The following GABRB1 variants were observed in gnomAD, a reference collection of about 807,000 sequenced individuals.
GABRB1 encodes the protein gamma-aminobutyric acid type A receptor subunit beta1, also known as gamma-aminobutyric acid receptor subunit beta-1.
In GABRB1, 17 loss-of-function variants were observed where a neutral mutation model predicts 51.6. The observed-to-expected ratio is 0.33, with a 90% CI of 0.23 to 0.49. GABRB1 has a LOEUF of 0.49. GABRB1 is among the 20% of genes least tolerant of loss of function. The pLI, the probability that GABRB1 is intolerant of heterozygous loss-of-function variation, is 0.99. For synonymous variants in GABRB1, 247 were observed against 218.9 expected (o/e 1.13, Z -1.14); for missense variants, 410 against 600.6 (o/e 0.68, Z 3.32).
At chr4:47,272,190 T>G (rs769614034) in intron 4 of GABRB1, among the ~76,000 whole-genome samples, 4 of 152,150 alleles carry the variant, frequency 2.6e-5, no homozygotes, top group Non-Finnish European at 4.4e-5. Context: ...AACTAGTAGA[T>G]TTTAATAAAA....
At chr4:47,025,462 C>T (rs943655064) in intron 1 of GABRB1, among the ~76,000 whole-genome samples, 4 of 151,620 alleles carry the variant, frequency 2.6e-5, no homozygotes, top group East Asian at 1.9e-4. Flanking sequence ...ATTGTGATTT[C>T]GATTTGCATT....
At chr4:47,204,347 C>T (rs76498700) in intron 4 of GABRB1, among the ~76,000 whole-genome samples, 70 of 152,252 alleles carry the variant, frequency 4.6e-4, no homozygotes, top group African/African-American at 1.6e-3. Context: ...AATGTTTTAA[C>T]ATATGCAGGG....
chr4:47,026,529 T>C (rs764171458), intron 1 of GABRB1, among the ~76,000 whole-genome samples: 1 of 152,090 alleles, frequency 6.6e-6, no homozygotes, highest in Non-Finnish European at 1.5e-5. Context: ...TTTTAAATGA[T>C]GCTCTACAAA....
At chr4:47,304,976 A>G (rs564334189) in intron 4 of GABRB1, among the ~76,000 whole-genome samples, 1 of 152,216 alleles carries the variant, frequency 6.6e-6, no homozygotes, top group East Asian at 1.9e-4. Context: ...ACTCAGACAT[A>G]GATTAATCAC....
At chr4:47,054,366 C>T (rs1043161767) in intron 3 of GABRB1, among the ~76,000 whole-genome samples, 6 of 152,142 alleles carry the variant, frequency 3.9e-5, no homozygotes, top group African/African-American at 4.8e-5. Flanking sequence ...GTGCTTGCCA[C>T]GTGATCTTCT....
At chr4:47,123,292 T>A (rs555286197) in intron 3 of GABRB1, among the ~76,000 whole-genome samples, 2 of 139,852 alleles carry the variant, frequency 1.4e-5, no homozygotes, top group Admixed American at 1.6e-4. Context: ...TATATATGAT[T>A]ATATATAATA....
chr4:47,285,191 TG>T (rs1011797700), intron 4 of GABRB1, among the ~76,000 whole-genome samples: 143 of 152,330 alleles, frequency 9.4e-4, no homozygotes, highest in African/African-American at 3.2e-3. Flanking sequence ...TGTAGCTGAC[TG>T]GTGTGTTGTG....
At chr4:47,285,480 G>A (rs980468760) in intron 4 of GABRB1, among the ~76,000 whole-genome samples, 2 of 151,992 alleles carry the variant, frequency 1.3e-5, no homozygotes, top group African/African-American at 2.4e-5. Flanking sequence ...TATAGTATCC[G>A]GTAAATTCTA....
chr4:47,115,522 T>G lies in GABRB1; in HGVS notation c.241-45727T>G, dbSNP rs1305765016. On this transcript the variant is annotated intron_variant, in intron 3 of 8. Coordinates refer to ENST00000295454, the MANE Select transcript of GABRB1 (RefSeq NM_000812.4). ...TTTTTTAAATATAAAATCATAAAAATTACTGTTGTTTAATGATATATTCAA... is the reference window on the plus strand; with the variant it reads ...TTTTTTAAATATAAAATCATAAAAAGTACTGTTGTTTAATGATATATTCAA... Among the ~76,000 whole-genome samples the G allele has an allele frequency of 2.0e-5, 3 of 152,084 alleles. No individual in the cohort carries two copies. In the East Asian group the frequency reaches 5.8e-4, roughly 29 times the overall value.
At chr4:47,380,240 A>C (rs921482627) in intron 5 of GABRB1, among the ~76,000 whole-genome samples, 4 of 152,248 alleles carry the variant, frequency 2.6e-5, no homozygotes, top group African/African-American at 9.6e-5. Context: ...AAGTATCAAC[A>C]AACAGTTGCC....
intron 5 of GABRB1, among the ~76,000 whole-genome samples, chr4:47,369,299 C>A (rs1727104118): frequency 6.6e-6 from 1 of 152,078 alleles, no homozygotes; most frequent in African/African-American, 2.4e-5. Flanking sequence ...TGATCTTGAG[C>A]AAATCACAGT....
At chr4:47,019,606 CTTCT>C (rs1253036296) in intron 1 of GABRB1, among the ~76,000 whole-genome samples, 3 of 110,650 alleles carry the variant, frequency 2.7e-5, no homozygotes, top group African/African-American at 1.1e-4. Context: ...CCCTTCCTCC[CTTCT>C]TTCTTTCTTT....
chr4:47,032,066 T>TAA, intron 2 of GABRB1, 61 bp downstream of exon 2: 1 of 871,616 alleles, frequency 1.1e-6, no homozygotes, highest in Non-Finnish European at 1.6e-6. Flanking sequence ...CTGTCAAAGA[T>TAA]AAATGTCAAA....
chr4:46,994,522 G>C, intron 1 of GABRB1: 1 of 152,236 alleles, frequency 6.6e-6, no homozygotes, highest in Non-Finnish European at 1.5e-5. Flanking sequence ...GACAGAGAGA[G>C]AGAGAGAGAG....
At chr4:47,067,236 C>G (rs1329109494) in intron 3 of GABRB1, among the ~76,000 whole-genome samples, 2 of 152,144 alleles carry the variant, frequency 1.3e-5, no homozygotes, top group East Asian at 3.8e-4. Flanking sequence ...ATTTATAGAG[C>G]ACAGGAAGAG....
chr4:47,423,398 C>T (rs566849142), intron 8 of GABRB1, among the ~76,000 whole-genome samples: 2 of 152,346 alleles, frequency 1.3e-5, no homozygotes, highest in East Asian at 1.9e-4. Context: ...TCCCTAGCTT[C>T]ACTCAATTAC....
intron 5 of GABRB1, among the ~76,000 whole-genome samples, chr4:47,387,909 T>G (rs963257650): frequency 6.6e-6 from 1 of 152,040 alleles, no homozygotes; most frequent in African/African-American, 2.4e-5. Context: ...GGTCAGGAGA[T>G]CTAATGGTGG....
At chr4:47,202,363 C>G (rs192236298) in intron 4 of GABRB1, among the ~76,000 whole-genome samples, 10 of 152,136 alleles carry the variant, frequency 6.6e-5, no homozygotes, top group African/African-American at 2.2e-4. Context: ...TCAGACCGAC[C>G]TCTTTCCTTT....
chr4:47,078,441 T>C (rs943584265), intron 3 of GABRB1, among the ~76,000 whole-genome samples: 1 of 152,172 alleles, frequency 6.6e-6, no homozygotes, highest in Non-Finnish European at 1.5e-5. Flanking sequence ...CCATAACTTT[T>C]CACCATTTTT....
Sources: allele counts gnomAD v4.1 joint callset (sites outside exome capture counted in the v4.1 genomes callset), GRCh38; gene constraint gnomAD v4.1.1; transcripts MANE v1.5; gene names NCBI Gene and HGNC (gene_info 2026-07-23, HGNC 2026-07-21).